CAST: variants seen among roughly 807,000 people sequenced by gnomAD.
The protein encoded by CAST is MIR583 host.
Under a neutral mutation model 119.6 loss-of-function variants are expected in CAST, and 76 were observed. That is an observed-to-expected ratio of 0.64 (90% CI 0.53 to 0.77). The LOEUF (loss-of-function observed/expected upper bound fraction) is 0.77, where lower values mean the gene tolerates loss of function less well. Ranked by LOEUF, CAST falls within the 30% of genes least tolerant of loss-of-function variation. The pLI is 0.00. For synonymous variants in CAST, 319 were observed against 331.6 expected, an observed-to-expected ratio of 0.96 and a Z score of 0.41; for missense variants, 953 against 946.5, an observed-to-expected ratio of 1.01 and a Z score of -0.09.
intron 1 of CAST, among the ~76,000 whole-genome samples, chr5:96,557,157 A>G (rs919315765): frequency 6.3e-4 from 96 of 151,990 alleles, no homozygotes; most frequent in African/African-American, 2.0e-3. Flanking sequence ...ACAAGCAAAT[A>G]CTGAGAGATT....
the CAST span, among the ~76,000 whole-genome samples, chr5:96,447,154 A>G: frequency 3.9e-5 from 6 of 152,312 alleles, no homozygotes; most frequent in Admixed American, 2.0e-4. Context: ...GTGGCAAAGG[A>G]GGAATTAAGC....
At chr5:96,040,616 A>G in the CAST span, among the ~76,000 whole-genome samples, 131 of 152,314 alleles carry the variant, frequency 8.6e-4, no homozygotes, top group African/African-American at 2.9e-3. Context: ...CCTTTTCTGC[A>G]TCTATTGAGA....
At chr5:96,572,452 C>T (rs189240985) in intron 1 of CAST, among the ~76,000 whole-genome samples, 4 of 152,282 alleles carry the variant, frequency 2.6e-5, no homozygotes, top group East Asian at 1.9e-4. Context: ...CTGCCCACCT[C>T]GGCCTCCCAA....
the CAST span, among the ~76,000 whole-genome samples, chr5:96,299,225 A>G: frequency 6.6e-6 from 1 of 151,864 alleles, no homozygotes; most frequent in Non-Finnish European, 1.5e-5. Flanking sequence ...AGCCTGGGCA[A>G]CAAGAGCAAA....
chr5:96,473,362 G>A, the CAST span, among the ~76,000 whole-genome samples: 3 of 152,268 alleles, frequency 2.0e-5, no homozygotes, highest in Non-Finnish European at 4.4e-5. Flanking sequence ...TTGCCTGAGG[G>A]GCTCAGAATT....
At chr5:95,990,540 CT>C in the CAST span, among the ~76,000 whole-genome samples, 2 of 151,822 alleles carry the variant, frequency 1.3e-5, no homozygotes, top group South Asian at 4.2e-4. Context: ...CACCAGTCAC[CT>C]TTAAAATTAT....
Position 96,746,438 on chromosome 5 carries a change from C to T in CAST, c.1284+13C>T. ...AAAACCAGCCACGGTAAATTTTTAG[C>T]CACAGTGCATGACAACAGCATCTTG... On this transcript the variant is annotated intron_variant, in intron 17 of 31. Coordinates refer to ENST00000675179, the MANE Select transcript of CAST (RefSeq NM_001750.7). 1 of 1,481,892 alleles carries T rather than the reference C, an allele frequency of 6.7e-7. No individual in the cohort carries two copies. Among genetic ancestry groups the T allele is most frequent in the Non-Finnish European group, 9.4e-7 (1 of 1,059,448 alleles). The allele number at this position is 1,481,892 out of a possible 1,614,324, so 91.8% of individuals were successfully genotyped here. A position where few individuals can be genotyped will look rare whatever the true frequency, so the allele number is the denominator to read the frequency against.
chr5:96,359,102 T>C, the CAST span, among the ~76,000 whole-genome samples: 1 of 152,214 alleles, frequency 6.6e-6, no homozygotes, highest in Non-Finnish European at 1.5e-5. Flanking sequence ...TTCTTCTTTG[T>C]CTTTTTTATC....
At chr5:96,031,993 G>A in the CAST span, among the ~76,000 whole-genome samples, 1 of 152,144 alleles carries the variant, frequency 6.6e-6, no homozygotes, top group African/African-American at 2.4e-5. Flanking sequence ...GCCGTGACTT[G>A]TTATTTTACC....
chr5:96,382,792 A>T, the CAST span, among the ~76,000 whole-genome samples: 7 of 152,220 alleles, frequency 4.6e-5, no homozygotes, highest in African/African-American at 1.7e-4. Flanking sequence ...AAGGAAGAGT[A>T]ATCCATCCAG....
chr5:96,672,229 GTCTCTC>G (rs139068540), intron 1 of CAST, among the ~76,000 whole-genome samples: 1 of 149,754 alleles, frequency 6.7e-6, no homozygotes, highest in Non-Finnish European at 1.5e-5. Context: ...CTCTCTCTCT[GTCTCTC>G]TCTCTCTCTC....
chr5:96,431,547 C>T, the CAST span, among the ~76,000 whole-genome samples: 3 of 152,280 alleles, frequency 2.0e-5, no homozygotes, highest in Admixed American at 6.5e-5. Flanking sequence ...CCTCTTATTC[C>T]TCAGCCCCTA....
chr5:96,389,647 G>T, the CAST span, among the ~76,000 whole-genome samples: 4 of 152,054 alleles, frequency 2.6e-5, no homozygotes, highest in Non-Finnish European at 4.4e-5. Flanking sequence ...TCAAAGTTGG[G>T]AATTGGGGCC....
chr5:96,392,974 T>A, the CAST span: 1 of 1,613,140 alleles, frequency 6.2e-7, no homozygotes, highest in Non-Finnish European at 8.5e-7. Flanking sequence ...AGCATGAATA[T>A]TTCCAACTTG....
At chr5:96,609,053 G>A (rs1408404842) in intron 1 of CAST, among the ~76,000 whole-genome samples, 1 of 152,106 alleles carries the variant, frequency 6.6e-6, no homozygotes. Context: ...ACTTCTGCAA[G>A]GACATCTACC....
chr5:96,131,252 T>C, the CAST span, among the ~76,000 whole-genome samples: 2 of 152,048 alleles, frequency 1.3e-5, no homozygotes, highest in African/African-American at 4.8e-5. Context: ...TTATTTTAAG[T>C]GATGAAAGAA....
At position 96,765,249 on chromosome 5, in the gene CAST, T is replaced by C. The variant is rs1419387523; in HGVS notation, c.1961T>C (p.Leu654Ser). The C allele has an allele frequency of 6.2e-7, 1 of 1,606,692 alleles. No homozygotes were observed. The highest frequency in any genetic ancestry group is 8.5e-7 in the Non-Finnish European group (1 of 1,175,592). The change falls in exon 26 of 32, where the codon TTG (leucine) becomes TCG (serine). Residue 654 changes from leucine to serine, a missense_variant. Physicochemically the swap from Leu to Ser is moderately radical, Grantham distance 145 (BLOSUM62 -2). Coordinates refer to ENST00000675179, the MANE Select transcript of CAST (RefSeq NM_001750.7). ...AGTGACAAAGACCTCGATGATGCCT[T>C]GGATAAACTCTCTGACAGTCTAGGA... ...SQSDKDLDDA[L>S]DKLSDSLGQR...
chr5:96,321,877 A>G, the CAST span, among the ~76,000 whole-genome samples: 8 of 152,180 alleles, frequency 5.3e-5, no homozygotes, highest in Admixed American at 1.3e-4. Flanking sequence ...TTATTTCTGT[A>G]TAATGCCATG....
At chr5:96,449,631 AT>A in the CAST span, among the ~76,000 whole-genome samples, 1 of 152,124 alleles carries the variant, frequency 6.6e-6, no homozygotes, top group Non-Finnish European at 1.5e-5. Context: ...TGCCATGTGT[AT>A]TTTTGCTTAG....
Sources: gnomAD v4.1 joint callset for allele counts (sites outside exome capture counted in the v4.1 genomes callset) on GRCh38, gnomAD v4.1.1 for gene constraint, MANE v1.5 for transcripts, NCBI Gene and HGNC (gene_info 2026-07-23, HGNC 2026-07-21) for gene names.